The following NLRP8 variants were observed in gnomAD, a reference collection of about 807,000 sequenced individuals.
NLRP8 encodes NLR family pyrin domain containing 8, also known as NACHT, LRR and PYD domains-containing protein 8.
Under a neutral mutation model 88.7 loss-of-function variants are expected in NLRP8, and 86 were observed. That is an observed-to-expected ratio of 0.97 (90% CI 0.81 to 1.16). The LOEUF (loss-of-function observed/expected upper bound fraction) is 1.16. Ranked by LOEUF, NLRP8 falls within the 50% of genes most tolerant of loss-of-function variation. The probability of loss-of-function intolerance (pLI) is 0.00; values close to 1 mark genes in which losing one functional copy is unlikely to be tolerated. For missense variants in NLRP8, 1,342 were observed against 1,286.5 expected (o/e 1.04, Z -0.66); for synonymous variants, 504 against 494.6 (o/e 1.02, Z -0.25).
rs145469757 is a variant in NLRP8 at position 55,948,185 on chromosome 19, C to A, written c.283C>A (p.Arg95=). ...TCTCTTGATAGAGCGTTTCCCTGGA[C>A]GACGCGCTTGGGATGTGACTTCGAA... Residue 95 remains arginine (R), a synonymous_variant, in exon 1 of 10, where the codon CGA becomes AGA. Coordinates refer to ENST00000291971, the MANE Select transcript of NLRP8 (RefSeq NM_176811.2). 6 of 1,614,098 alleles carry A rather than the reference C, an allele frequency of 3.7e-6. No homozygotes were observed. Among genetic ancestry groups the A allele is most frequent in the Middle Eastern group, 1.6e-4 (1 of 6,062 alleles).
At position 55,956,017 on chromosome 19, in the gene NLRP8, A is replaced by G. The variant is rs1232925774; in HGVS notation, c.1959A>G (p.Gln653=). ...CTGCTTTTTGCCTGAAGCGGTGTCA[A>G]TATTTGCATGAGGTGGAACTGACCG... Residue 653 remains glutamine (Q), a synonymous_variant, in exon 3 of 10, where the codon CAA becomes CAG. Transcript: ENST00000291971. 3 of 1,614,182 alleles carry G rather than the reference A, an allele frequency of 1.9e-6. No homozygotes were observed. Among genetic ancestry groups the G allele is most frequent in the Non-Finnish European group, 1.7e-6 (2 of 1,180,030 alleles).
Position 55,962,065 on chromosome 19 carries a change from A to G in NLRP8, c.2043-2A>G, listed in dbSNP as rs774441101. On this transcript the variant is annotated splice_acceptor_variant, in intron 3 of 9. Coordinates refer to ENST00000291971, the MANE Select transcript of NLRP8 (RefSeq NM_176811.2). LOFTEE classifies it high-confidence loss of function. Reference sequence around the variant, plus strand: ...GTTTTCTCTCTTCTCCCTTCCATGTAGAGCGCCAGAGAGCAATGGGCTGCA... The same window carrying G: ...GTTTTCTCTCTTCTCCCTTCCATGTGGAGCGCCAGAGAGCAATGGGCTGCA... 1 of 1,612,892 alleles carries G rather than the reference A, an allele frequency of 6.2e-7. No individual in the cohort carries two copies. The highest frequency in any genetic ancestry group is 2.2e-5 in the East Asian group (1 of 44,880).
At chr19:55,952,690 A>G (rs771032131) in intron 2 of NLRP8, 78 bp downstream of exon 2, 1 of 1,179,758 alleles carries the variant, frequency 8.5e-7, no homozygotes, top group Non-Finnish European at 1.3e-6. Context: ...TGCTAAGGCA[A>G]GCCAGATTTT....
At chr19:55,966,468 G>A in intron 5 of NLRP8, 88 bp downstream of exon 5, 2 of 1,295,428 alleles carry the variant, frequency 1.5e-6, no homozygotes, top group Non-Finnish European at 2.2e-6. Flanking sequence ...GTTTCCCTCT[G>A]TCCTTTCCTT....
At position 55,952,531 on chromosome 19, in the gene NLRP8, G is replaced by A; in HGVS notation, c.368-7G>A. On this transcript the variant is annotated splice_region_variant and splice_polypyrimidine_tract_variant and intron_variant, in intron 1 of 9. Transcript: ENST00000291971. ...CCCGTGGAACAGCCTCCTTTTTTCTGTTACAGCCATTCTGCCTACCTTGGA... is the reference window on the plus strand; with the variant it reads ...CCCGTGGAACAGCCTCCTTTTTTCTATTACAGCCATTCTGCCTACCTTGGA... 1 of 1,612,686 alleles carries A rather than the reference G, an allele frequency of 6.2e-7. No individual in the cohort carries two copies. The highest frequency in any genetic ancestry group is 1.3e-5 in the African/African-American group (1 of 74,934).
chr19:55,968,391 A>G (rs1195971703), intron 5 of NLRP8, among the ~76,000 whole-genome samples: 6 of 152,104 alleles, frequency 3.9e-5, no homozygotes, highest in Non-Finnish European at 8.8e-5. Flanking sequence ...GTGAGCCGAG[A>G]TCACGCCATT....
Position 55,966,303 on chromosome 19 carries a change from T to G in NLRP8, c.2304T>G (p.His768Gln), listed in dbSNP as rs1979835967. 1 of 1,614,030 alleles carries G rather than the reference T, an allele frequency of 6.2e-7. No homozygotes were observed. The highest frequency in any genetic ancestry group is 8.5e-7 in the Non-Finnish European group (1 of 1,179,942). Residue 768 changes from histidine (H) to glutamine (Q), a missense_variant, in exon 5 of 10, where the codon CAT becomes CAG. By Grantham distance (24) the His-to-Gln change is conservative. Coordinates refer to ENST00000291971, the MANE Select transcript of NLRP8 (RefSeq NM_176811.2). ...ATCTGAGATACTTGGAAATACAACA[T>G]GTGGAAGTGGAGTCCAAAGCTGTGA...
At chr19:55,981,294 G>A (rs1980563248) in intron 9 of NLRP8, among the ~76,000 whole-genome samples, 136 bp downstream of exon 10, 1 of 151,916 alleles carries the variant, frequency 6.6e-6, no homozygotes, top group African/African-American at 2.4e-5. Flanking sequence ...CCTGACTCTG[G>A]AATGGCTCCA....
chr19:55,967,978 A>G (rs911439380), intron 5 of NLRP8, among the ~76,000 whole-genome samples: 1 of 152,252 alleles, frequency 6.6e-6, no homozygotes, highest in Admixed American at 6.5e-5. Flanking sequence ...TGCCATCATC[A>G]TGATGACTCC....
Position 55,966,253 on chromosome 19 carries a change from A to T in NLRP8, c.2254A>T (p.Ile752Phe). The change falls in exon 5 of 10, where the codon ATC (isoleucine) becomes TTC (phenylalanine). Residue 752 changes from isoleucine (I) to phenylalanine (F), a missense_variant. By Grantham distance (21) the Ile-to-Phe change is conservative (BLOSUM62 0). Transcript: ENST00000291971. ...TAGCACCATGTTGAACCAGGACTTA[A>T]TCGGTGTTTTGACGGGGAACCAGCA... The T allele has an allele frequency of 6.2e-7, 1 of 1,614,102 alleles. No individual in the cohort carries two copies. The highest frequency in any genetic ancestry group is 8.5e-7 in the Non-Finnish European group (1 of 1,179,994).
At chr19:55,976,015 A>G in intron 7 of NLRP8, 118 bp from the exon 8 acceptor site, 3 of 1,035,238 alleles carry the variant, frequency 2.9e-6, no homozygotes, top group South Asian at 2.0e-5. Flanking sequence ...AAAACAAACA[A>G]ATAAAAACAG....
rs148117346 is a variant in NLRP8 at position 55,959,782 on chromosome 19, C to T, written c.2043-2285C>T. 1.7e-3 allele frequency among the ~76,000 whole-genome samples: 252 copies of T among 152,288 alleles called. 2 individuals carry two copies. Among genetic ancestry groups the T allele is most frequent in the African/African-American group, 5.9e-3 (244 of 41,564 alleles). On this transcript the variant is annotated intron_variant, in intron 3 of 9. Coordinates refer to ENST00000291971, the MANE Select transcript of NLRP8 (RefSeq NM_176811.2). The stretch of plus-strand genomic sequence containing the variant: ...ACAAAGTTTTCCAGAGCTTATATGC[C>T]TTCTAAGCTATATGTCTACGTGTAA...
intron 3 of NLRP8, among the ~76,000 whole-genome samples, chr19:55,958,918 G>A (rs969835042): frequency 3.3e-5 from 5 of 151,334 alleles, no homozygotes; most frequent in Non-Finnish European, 5.9e-5. Context: ...TCATTCTGTC[G>A]CCCAAGCTGG....
intron 8 of NLRP8, among the ~76,000 whole-genome samples, chr19:55,977,396 ATATAT>A (rs58177299): frequency 0.084 from 12,172 of 144,670 alleles, 652 homozygotes; most frequent in African/African-American, 0.14. Context: ...ATAAATACGA[ATATAT>A]TATATGTAAA....
chr19:55,983,636 G>A (rs953099633), intron 9 of NLRP8, among the ~76,000 whole-genome samples: 5 of 151,784 alleles, frequency 3.3e-5, no homozygotes, highest in African/African-American at 1.2e-4. Context: ...GGAAAACAGG[G>A]TAGATTGTGC....
intron 8 of NLRP8, among the ~76,000 whole-genome samples, chr19:55,977,214 CATATAT>C (rs898823395): frequency 2.1e-3 from 8 of 3,784 alleles, no homozygotes; most frequent in Non-Finnish European, 1.5e-3. Context: ...ACATAAGATA[CATATAT>C]ATATATATGT....
intron 8 of NLRP8, among the ~76,000 whole-genome samples, chr19:55,976,906 A>G (rs1334388108): frequency 6.7e-6 from 1 of 150,352 alleles, no homozygotes; most frequent in East Asian, 2.0e-4. Flanking sequence ...CGGTGAAACC[A>G]TGTCTGTACT....
At chr19:55,984,514 C>T (rs911096131) in intron 9 of NLRP8, among the ~76,000 whole-genome samples, 14 of 150,782 alleles carry the variant, frequency 9.3e-5, no homozygotes, top group East Asian at 3.9e-4. Flanking sequence ...ATTAGCCAGG[C>T]GTGGTGGTGC....
At chr19:55,958,696 A>T (rs1979479266) in intron 3 of NLRP8, among the ~76,000 whole-genome samples, 1 of 152,148 alleles carries the variant, frequency 6.6e-6, no homozygotes, top group Non-Finnish European at 1.5e-5. Context: ...CCCCTGCTCT[A>T]GCATATATTT....
Sources: gnomAD v4.1 joint callset for allele counts (sites outside exome capture counted in the v4.1 genomes callset) on GRCh38, gnomAD v4.1.1 for gene constraint, MANE v1.5 for transcripts, NCBI Gene and HGNC (gene_info 2026-07-23, HGNC 2026-07-21) for gene names.